Variants in TNXB observed in about 807,000 individuals in gnomAD.
TNXB encodes the protein tenascin XB.
A neutral mutation model predicts 340.5 loss-of-function variants in TNXB; 183 were observed. The ratio of observed to expected loss-of-function variants is 0.54; its 90% CI spans 0.48 to 0.61. TNXB has a LOEUF of 0.61. TNXB is among the 20% of genes least tolerant of loss of function. The probability of loss-of-function intolerance (pLI) is 0.00; values close to 1 mark genes in which losing one functional copy is unlikely to be tolerated. For missense variants in TNXB, 4,613 were observed against 5,446.4 expected, an observed-to-expected ratio of 0.85 and a Z score of 4.82; for synonymous variants, 2,121 against 2,314.5, an observed-to-expected ratio of 0.92 and a Z score of 2.40.
rs1178977865 is a variant in TNXB at position 32,069,257 on chromosome 6, G to A, written c.5588-121C>T. The A allele has an allele frequency of 1.0e-6, 1 of 1,002,090 alleles. No individual in the cohort carries two copies. Among genetic ancestry groups the A allele is most frequent in the Non-Finnish European group, 1.4e-6 (1 of 700,302 alleles). The allele number at this position is 1,002,090 out of a possible 1,614,324, so 62.1% of individuals were successfully genotyped here. On this transcript the variant is annotated intron_variant, in intron 15 of 43. Coordinates refer to ENST00000644971, the MANE Select transcript of TNXB (RefSeq NM_001365276.2). The surrounding 1 kb of genome is among the most constrained non-coding windows in gnomAD (Gnocchi z 6.2). ...GTCAGCAATCGAAAGACCAGCTTTT[G>A]CTGCACATGGGTGAATTTCAAAAGC... is the stretch of plus-strand genomic sequence containing the variant.
intron 19 of TNXB, among the ~76,000 whole-genome samples, chr6:32,063,875 C>T (rs1778171207): frequency 6.6e-6 from 1 of 151,980 alleles, no homozygotes; most frequent in Non-Finnish European, 1.5e-5. Context: ...AAGGAAAATG[C>T]CTTATTAAGT....
In TNXB at chr6:32,058,906, G is replaced by A. The variant is rs1254583462; in HGVS notation, c.7493-516C>T. Among the ~76,000 whole-genome samples, 1 of 151,848 alleles carries A rather than the reference G, an allele frequency of 6.6e-6. No individual in the cohort carries two copies. Among genetic ancestry groups the A allele is most frequent in the Non-Finnish European group, 1.5e-5 (1 of 68,030 alleles). ...TGAGGTGAATGATTACAATGTACTT[G>A]TGTACAAAAAAGGAAGTGCCAAGAA... On this transcript the variant is annotated intron_variant, in intron 21 of 43. Coordinates refer to ENST00000644971, the MANE Select transcript of TNXB (RefSeq NM_001365276.2). The surrounding 1 kb of genome is among the most constrained non-coding windows in gnomAD (Gnocchi z 5.1).
In TNXB at chr6:32,067,159, G is replaced by GAA. The variant is rs1778414799; in HGVS notation, c.6544+500_6544+501dup. 6.6e-6 allele frequency among the ~76,000 whole-genome samples: 1 copy of GAA among 151,356 alleles called. No individual in the cohort carries two copies. Among genetic ancestry groups the GAA allele is most frequent in the Non-Finnish European group, 1.5e-5 (1 of 67,840 alleles). On this transcript the variant is annotated intron_variant, in intron 18 of 43. Transcript: ENST00000644971. This position sits in a 1 kb window ranked among gnomAD's most constrained non-coding sequence, Gnocchi z 4.2. ...AGAAAGAAAGAAAGAAAGAAAGAAA[G>GAA]AAAGAAAGAAAGAAAGAAAGAAAGA...
Position 32,096,399 on chromosome 6 carries a change from G to A in TNXB, c.1454C>T (p.Pro485Leu). Residue 485 changes from proline to leucine, a missense_variant, in exon 3 of 44, where the codon CCG becomes CTG. Coordinates refer to ENST00000644971, the MANE Select transcript of TNXB (RefSeq NM_001365276.2). ...GCCGCAGTCCCGGCCTGTGTACCCC[G>A]GCCAACACATGCAGCGGCCACTCTC... is the stretch of plus-strand genomic sequence containing the variant. Reference protein sequence around the residue: ...RCESGRCMCWPGYTGRDCGTR... With the variant: ...RCESGRCMCWLGYTGRDCGTR... The A allele has an allele frequency of 1.3e-6, 2 of 1,578,874 alleles. No individual in the cohort carries two copies. Among genetic ancestry groups the A allele is most frequent in the South Asian group, 1.1e-5 (1 of 87,582 alleles).
At chr6:32,041,506 C>G (rs192857045) in intron 43 of TNXB, 56 bp from the exon 44 acceptor site, 17 of 1,240,324 alleles carry the variant, frequency 1.4e-5, no homozygotes, top group Non-Finnish European at 1.6e-5. Flanking sequence ...CTGCTCTTCC[C>G]GTTCCCCTTA....
At position 32,096,119 on chromosome 6, in the gene TNXB, G is replaced by A. The variant is rs41270458; in HGVS notation, c.1734C>T (p.Asp578=). 0.022 allele frequency: 34,861 copies of A among 1,604,102 alleles called. 444 individuals carry two copies. The highest frequency in any genetic ancestry group is 0.025 in the South Asian group (2,239 of 89,304). ...CACCGCAATCCTCGCCAGAGTAGCC[G>A]TCCTCGCACACACACCGCCCATCTA... ...QCLDGRCVCE[D]GYSGEDCGVR... is the part of the protein sequence containing the mutation. The change falls in exon 3 of 44, where the codon GAC becomes GAT. Residue 578 remains aspartate (D), a synonymous_variant. Coordinates refer to ENST00000644971, the MANE Select transcript of TNXB (RefSeq NM_001365276.2).
At position 32,061,559 on chromosome 6, in the gene TNXB, G is replaced by T. The variant is rs1388784919; in HGVS notation, c.7330C>A (p.Gln2444Lys). Residue 2444 changes from glutamine (Q) to lysine (K), a missense_variant, in exon 21 of 44, where the codon CAG (glutamine) becomes AAG (lysine). Physicochemically the swap from Gln to Lys is moderately conservative, Grantham distance 53. Around this residue, in one of 7 missense-constraint regions of TNXB, gnomAD observed 4,327 missense variants for 4,859.4 expected, o/e 0.89. Transcript: ENST00000644971. This position sits in a 1 kb window ranked among gnomAD's most constrained non-coding sequence, Gnocchi z 4.4. ...GGCCGCCCGTCCCTGTCCTTGTACT[G>T]CACGGTGAAGGAGTCGAAGCGGCCC... ...PQGRFDSFTV[Q>K]YKDRDGRPQV... The T allele has an allele frequency of 6.2e-7, 1 of 1,613,492 alleles. No homozygotes were observed. The highest frequency in any genetic ancestry group is 1.7e-5 in the Admixed American group (1 of 60,028).
At position 32,053,620 on chromosome 6, in the gene TNXB, T is replaced by C; in HGVS notation, c.8559A>G (p.Thr2853=). 6.2e-7 allele frequency: 1 copy of C among 1,613,560 alleles called. No homozygotes were observed. The highest frequency in any genetic ancestry group is 1.3e-5 in the African/African-American group (1 of 75,014). ...NKPRLGELTV[T]DATPDSLSLS... ...GGCTGAGGGAGTCAGGGGTGGCATC[T>C]GTCACGGTCAGCTCCCCGAGGCGAG... Residue 2853 remains threonine, a synonymous_variant, in exon 25 of 44, where the codon ACA becomes ACG. Coordinates refer to ENST00000644971, the MANE Select transcript of TNXB (RefSeq NM_001365276.2).
rs371865807 is a variant in TNXB, at chr6:32,079,046, G to A, written c.4362C>T (p.Ala1454=). ...CCCCTCACTCACCTGTCACGCCCACGGCGGACACCGGGCCCACGCGCTGCC... is the reference window on the plus strand; with the variant it reads ...CCCCTCACTCACCTGTCACGCCCACAGCGGACACCGGGCCCACGCGCTGCC... The part of the protein sequence containing the change: ...HEGQRVGPVS[A]VGVTAPQQEE... The change falls in exon 11 of 44, where the codon GCC becomes GCT. Residue 1454 remains alanine, a synonymous_variant. Transcript: ENST00000644971. This position sits in a 1 kb window ranked among gnomAD's most constrained non-coding sequence, Gnocchi z 7.1. 10 of 1,612,198 alleles carry A rather than the reference G, an allele frequency of 6.2e-6. No individual in the cohort carries two copies. Among genetic ancestry groups the A allele is most frequent in the South Asian group, 2.2e-5 (2 of 91,020 alleles).
Position 32,084,510 on chromosome 6 carries a change from G to A in TNXB, c.3348C>T (p.Val1116=), listed in dbSNP as rs376419712. 5 of 1,609,106 alleles carry A rather than the reference G, an allele frequency of 3.1e-6. No homozygotes were observed. Among genetic ancestry groups the A allele is most frequent in the East Asian group, 4.5e-5 (2 of 44,894 alleles). ...VPVEGPQRSA[V]ITSLDPGRKY... is the part of the protein sequence containing the mutation. The stretch of plus-strand genomic sequence containing the variant: ...TGCGGCCAGGATCCAGGGAGGTGAT[G>A]ACGGCCGAGCGCTGGGGTCCTTCCA... Residue 1116 remains valine, a synonymous_variant, in exon 8 of 44, where the codon GTC becomes GTT. Coordinates refer to ENST00000644971, the MANE Select transcript of TNXB (RefSeq NM_001365276.2). This position sits in a 1 kb window ranked among gnomAD's most constrained non-coding sequence, Gnocchi z 5.5.
intron 6 of TNXB, among the ~76,000 whole-genome samples, chr6:32,088,515 C>T (rs1779920128): frequency 6.6e-6 from 1 of 152,248 alleles, no homozygotes; most frequent in Non-Finnish European, 1.5e-5. Context: ...CTGACTGGAT[C>T]AGGCAGCATC....
Position 32,096,429 on chromosome 6 carries a change from C to T in TNXB, c.1424G>A (p.Arg475His), listed in dbSNP as rs1401291892. Residue 475 changes from arginine (R) to histidine (H), a missense_variant, in exon 3 of 44, where the codon CGC becomes CAC. By Grantham distance (29) the Arg-to-His change is conservative. Around this residue, in one of 7 missense-constraint regions of TNXB, gnomAD observed 4,327 missense variants for 4,859.4 expected, o/e 0.89. Coordinates refer to ENST00000644971, the MANE Select transcript of TNXB (RefSeq NM_001365276.2). The part of the protein sequence containing the change: ...SCPGDCRGRG[R>H]CESGRCMCWP... ...ACACATGCAGCGGCCACTCTCACAG[C>T]GGCCCCGGCCACGACAGTCCCCAGG... is the stretch of plus-strand genomic sequence containing the variant. 2 of 1,593,008 alleles carry T rather than the reference C, an allele frequency of 1.3e-6. No individual in the cohort carries two copies. The highest frequency in any genetic ancestry group is 1.7e-5 in the Admixed American group (1 of 59,100).
At chr6:32,106,559 C>T (rs1780990838) in intron 1 of TNXB, among the ~76,000 whole-genome samples, 1 of 152,130 alleles carries the variant, frequency 6.6e-6, no homozygotes, top group Non-Finnish European at 1.5e-5. Context: ...TCTCCTGGAT[C>T]AGAGAAAAAG....
In TNXB at chr6:32,070,320, C is replaced by T. The variant is rs780170896; in HGVS notation, c.5085G>A (p.Thr1695=). 1.3e-5 allele frequency: 21 copies of T among 1,611,550 alleles called. 1 individual carries two copies. The highest frequency in any genetic ancestry group is 2.2e-5 in the East Asian group (1 of 44,884). Residue 1695 remains threonine (T), a synonymous_variant, in exon 14 of 44, where the codon ACG becomes ACA. Transcript: ENST00000644971. This position sits in a 1 kb window ranked among gnomAD's most constrained non-coding sequence, Gnocchi z 6.0. ...PTPDSLRLSW[T]VPEGQFDSFV... ...AAGAGTCGAACTGGCCCTCAGGAAC[C>T]GTCCAGGAGAGGCGCAGTGAGTCTG...
chr6:32,070,941 T>C lies in TNXB; in HGVS notation c.4991-527A>G, dbSNP rs1265104721. Among the ~76,000 whole-genome samples the C allele has an allele frequency of 2.0e-5, 3 of 152,160 alleles. No individual in the cohort carries two copies. The highest frequency in any genetic ancestry group is 7.2e-5 in the African/African-American group (3 of 41,426). On this transcript the variant is annotated intron_variant, in intron 13 of 43. Coordinates refer to ENST00000644971, the MANE Select transcript of TNXB (RefSeq NM_001365276.2). This position sits in a 1 kb window ranked among gnomAD's most constrained non-coding sequence, Gnocchi z 6.0. Reference sequence around the variant, plus strand: ...TCTGCACCGGCTGGCCCGGGAGAACTAAGGCTCCCACTGGGCCTGGTGAAG... The same window carrying C: ...TCTGCACCGGCTGGCCCGGGAGAACCAAGGCTCCCACTGGGCCTGGTGAAG...
chr6:32,058,496 G>C lies in TNXB; in HGVS notation c.7493-106C>G. 1.0e-6 allele frequency: 1 copy of C among 977,696 alleles called. No homozygotes were observed. 60.6% of individuals were successfully genotyped at this position (977,696 alleles called of 1,614,324 possible). A position where few individuals can be genotyped will look rare whatever the true frequency, so the allele number is the denominator to read the frequency against. ...CATCAAATGTGCCCCTCCAGAGCAG[G>C]CTGAGGGCTGGGGCAGCTTTGTGTT... On this transcript the variant is annotated intron_variant, in intron 21 of 43. Transcript: ENST00000644971. This position sits in a 1 kb window ranked among gnomAD's most constrained non-coding sequence, Gnocchi z 5.1.
rs752326127 is a variant in TNXB at position 32,082,083 on chromosome 6, A to T, written c.3689T>A (p.Ile1230Asn). The T allele has an allele frequency of 6.2e-7, 1 of 1,609,822 alleles. No individual in the cohort carries two copies. The change falls in exon 9 of 44, where the codon ATT becomes AAT. Residue 1230 changes from isoleucine (I) to asparagine (N), a missense_variant. By Grantham distance (149) the Ile-to-Asn change is moderately radical. This residue lies in a region of TNXB where 4,327 missense variants were observed against 4,859.4 expected (regional missense o/e 0.89). Coordinates refer to ENST00000644971, the MANE Select transcript of TNXB (RefSeq NM_001365276.2). The surrounding 1 kb of genome is among the most constrained non-coding windows in gnomAD (Gnocchi z 5.0). ...DHKYRFTLFGIANKKRYGPLT... is the reference protein window; with the variant it reads ...DHKYRFTLFGNANKKRYGPLT... ...GGGGCCATACCGCTTCTTGTTCGCA[A>T]TTCCAAACAGAGTGAATCTGTACTT...
At position 32,096,220 on chromosome 6, in the gene TNXB, A is replaced by G; in HGVS notation, c.1633T>C (p.Cys545Arg). 6.4e-7 allele frequency: 1 copy of G among 1,569,250 alleles called. No homozygotes were observed. Among genetic ancestry groups the G allele is most frequent in the Non-Finnish European group, 8.6e-7 (1 of 1,160,686 alleles). ...HGLCEDGVCV[C>R]DAGYSGEDCS... ...TCTTCCCCTGAGTAGCCTGCGTCAC[A>G]CACGCACACGCCATCCTCGCAAAGG... is the stretch of plus-strand genomic sequence containing the variant. Residue 545 changes from cysteine to arginine, a missense_variant, in exon 3 of 44, where the codon TGT becomes CGT. Cys to Arg is a radical substitution (Grantham distance 180). Coordinates refer to ENST00000644971, the MANE Select transcript of TNXB (RefSeq NM_001365276.2).
chr6:32,094,095 CAAAAAAAAAA>C (rs9281649), intron 4 of TNXB, among the ~76,000 whole-genome samples: 9 of 28,972 alleles, frequency 3.1e-4, no homozygotes, highest in East Asian at 1.4e-3. Context: ...CTCTCTGTCT[CAAAAAAAAAA>C]AAAAAAAAAA....
Sources: gnomAD v4.1 joint callset for allele counts (sites outside exome capture counted in the v4.1 genomes callset) on GRCh38, gnomAD v4.1.1 for gene constraint, gnomAD v4.1.1 regional missense constraint, Gnocchi (gnomAD v3.1) non-coding constraint, MANE v1.5 for transcripts, NCBI Gene and HGNC (gene_info 2026-07-23, HGNC 2026-07-21) for gene names.